DNAH7: variants seen among roughly 807,000 people sequenced by gnomAD.
DNAH7 encodes dynein axonemal heavy chain 7.
In DNAH7, 397 loss-of-function variants were observed where a neutral mutation model predicts 444.6. The observed-to-expected ratio is 0.89, with a 90% CI of 0.82 to 0.97. The LOEUF (loss-of-function observed/expected upper bound fraction) is 0.97. Among genes scored for constraint, DNAH7 ranks in the 50% least tolerant of loss-of-function variants. The pLI is 0.00. For synonymous variants in DNAH7, 1,636 were observed against 1,624.4 expected (o/e 1.01, Z -0.17); for missense variants, 4,902 against 4,800.8 (o/e 1.02, Z -0.62).
chr2:195,824,900 C>T (rs1279976590), intron 48 of DNAH7: 1 of 152,632 alleles, frequency 6.6e-6, no homozygotes, highest in African/African-American at 2.4e-5. Context: ...GAAAACTGCT[C>T]CTAATTAGAT....
At chr2:195,986,267 C>T (rs1365865089) in intron 14 of DNAH7, among the ~76,000 whole-genome samples, 1 of 152,178 alleles carries the variant, frequency 6.6e-6, no homozygotes, top group Non-Finnish European at 1.5e-5. Flanking sequence ...TACATTGTAA[C>T]TTCCTTCAGC....
At position 195,894,803 on chromosome 2, in the gene DNAH7, A is replaced by G. The variant is rs181560550; in HGVS notation, c.4896+173T>C. On this transcript the variant is annotated intron_variant, in intron 30 of 64. Coordinates refer to ENST00000312428, the MANE Select transcript of DNAH7 (RefSeq NM_018897.3). ...AGCAAGTTTGTGGCATACCCTTTAT[A>G]TGCTGAACTTCCTATTTGCTTCATT... 7.9e-5 allele frequency: 45 copies of G among 571,172 alleles called. No individual in the cohort carries two copies. The East Asian group carries it at 1.5e-3, about 19-fold the overall frequency. The allele number at this position is 571,172 out of a possible 1,614,324, so 35.4% of individuals were successfully genotyped here. A position where few individuals can be genotyped will look rare whatever the true frequency, so the allele number is the denominator to read the frequency against.
intron 63 of DNAH7, among the ~76,000 whole-genome samples, chr2:195,751,148 G>T (rs187888160): frequency 6.6e-6 from 1 of 152,194 alleles, no homozygotes; most frequent in Admixed American, 6.5e-5. Context: ...AGCTTCTTTT[G>T]AGTATGTTAA....
At chr2:195,778,618 G>GAAAAAAA (rs1228548239) in intron 58 of DNAH7, among the ~76,000 whole-genome samples, 6 of 21,768 alleles carry the variant, frequency 2.8e-4, no homozygotes, top group East Asian at 6.7e-3. Flanking sequence ...GACCCTGTCT[G>GAAAAAAA]AAAAAAAAAA....
At chr2:195,821,335 C>G (rs759326010) in intron 49 of DNAH7, among the ~76,000 whole-genome samples, 2 of 152,156 alleles carry the variant, frequency 1.3e-5, no homozygotes, top group Non-Finnish European at 2.9e-5. Context: ...ACTGAGGTTG[C>G]TGTTCTCTCT....
intron 19 of DNAH7, among the ~76,000 whole-genome samples, chr2:195,937,326 C>T (rs1223662908): frequency 6.6e-6 from 1 of 152,138 alleles, no homozygotes; most frequent in Admixed American, 6.6e-5. Context: ...CTTGAAACTA[C>T]TTTATAACAC....
chr2:195,906,110 A>G (rs1454468103), intron 27 of DNAH7, among the ~76,000 whole-genome samples: 5 of 152,100 alleles, frequency 3.3e-5, no homozygotes, highest in Admixed American at 6.6e-5. Context: ...CCAAGCATAC[A>G]CAATAGTGTG....
chr2:195,827,691 C>T (rs1697839499), intron 48 of DNAH7, among the ~76,000 whole-genome samples: 1 of 152,094 alleles, frequency 6.6e-6, no homozygotes, highest in South Asian at 2.1e-4. Context: ...GGCAATCCTC[C>T]CACCTCAACC....
chr2:196,057,139 T>A (rs913919872), intron 2 of DNAH7, among the ~76,000 whole-genome samples: 1 of 152,232 alleles, frequency 6.6e-6, no homozygotes, highest in Non-Finnish European at 1.5e-5. Context: ...TTTAAATAAA[T>A]GAATGTTTTT....
intron 57 of DNAH7, among the ~76,000 whole-genome samples, chr2:195,787,766 C>T (rs1229223867): frequency 6.6e-6 from 1 of 152,040 alleles, no homozygotes; most frequent in Non-Finnish European, 1.5e-5. Context: ...TGACACATGT[C>T]CCCTGCAGCT....
intron 61 of DNAH7, among the ~76,000 whole-genome samples, chr2:195,762,576 G>C (rs1458676592): frequency 6.6e-6 from 1 of 152,084 alleles, no homozygotes; most frequent in African/African-American, 2.4e-5. Flanking sequence ...AGCAGGAGTA[G>C]CTATACTTAT....
chr2:195,940,664 C>T (rs1190559991), intron 19 of DNAH7, among the ~76,000 whole-genome samples: 1 of 151,660 alleles, frequency 6.6e-6, no homozygotes, highest in African/African-American at 2.4e-5. Flanking sequence ...CTACAAGGAA[C>T]TTAAGCCAAT....
chr2:195,803,060 T>C (rs1001189659), intron 54 of DNAH7, among the ~76,000 whole-genome samples: 1 of 152,262 alleles, frequency 6.6e-6, no homozygotes, highest in Non-Finnish European at 1.5e-5. Flanking sequence ...AATATCCTAA[T>C]TGTCTGTCCC....
At chr2:195,992,802 C>T (rs906742281) in intron 12 of DNAH7, among the ~76,000 whole-genome samples, 1 of 152,204 alleles carries the variant, frequency 6.6e-6, no homozygotes, top group African/African-American at 2.4e-5. Flanking sequence ...CACAAACCCT[C>T]CAACTTGGGA....
At chr2:196,026,467 G>A (rs545224389) in intron 7 of DNAH7, among the ~76,000 whole-genome samples, 23 of 152,152 alleles carry the variant, frequency 1.5e-4, no homozygotes, top group African/African-American at 3.6e-4. Context: ...CTAATGCCTC[G>A]CATAAATTAG....
intron 41 of DNAH7, among the ~76,000 whole-genome samples, chr2:195,862,977 A>C (rs1700110296): frequency 6.6e-6 from 1 of 152,196 alleles, no homozygotes; most frequent in African/African-American, 2.4e-5. Flanking sequence ...CAGAGGTTGC[A>C]GTGAGCCAAG....
intron 7 of DNAH7, 29 bp from the exon 8 acceptor site, chr2:196,024,533 A>G (rs953657296): frequency 3.0e-6 from 4 of 1,336,052 alleles, no homozygotes; most frequent in Non-Finnish European, 4.1e-6. Flanking sequence ...ATTCTGATAA[A>G]TAACCTTATA....
chr2:195,813,374 C>G (rs962431740), intron 51 of DNAH7, among the ~76,000 whole-genome samples: 2 of 152,104 alleles, frequency 1.3e-5, no homozygotes, highest in Non-Finnish European at 2.9e-5. Context: ...GAAAACTAGT[C>G]AGACCTTTGT....
At chr2:195,758,400 T>G (rs779252994) in intron 61 of DNAH7, among the ~76,000 whole-genome samples, 50 of 152,216 alleles carry the variant, frequency 3.3e-4, no homozygotes, top group Non-Finnish European at 6.6e-4. Context: ...ACATATGTTT[T>G]CCCAAGAATT....
Sources: allele counts gnomAD v4.1 joint callset (sites outside exome capture counted in the v4.1 genomes callset), GRCh38; gene constraint gnomAD v4.1.1; transcripts MANE v1.5; gene names NCBI Gene and HGNC (gene_info 2026-07-23, HGNC 2026-07-21).